CCDC192: variants seen among roughly 807,000 people sequenced by gnomAD.
CCDC192 encodes coiled-coil domain containing 192, also known as coiled-coil domain-containing protein 192.
chr5:127,756,754 C>A (rs1754623708), intron 3 of CCDC192, among the ~76,000 whole-genome samples: 1 of 152,220 alleles, frequency 6.6e-6, no homozygotes, highest in Non-Finnish European at 1.5e-5. Flanking sequence ...GGGCTGTTAT[C>A]AATTTTGTTT....
intron 6 of CCDC192, among the ~76,000 whole-genome samples, chr5:127,880,055 A>C (rs1229498076): frequency 1.3e-5 from 2 of 152,166 alleles, no homozygotes; most frequent in African/African-American, 4.8e-5. Context: ...CTAGAACTGG[A>C]AATACCATCC....
chr5:127,907,070 A>G (rs1173458906), intron 6 of CCDC192, among the ~76,000 whole-genome samples: 3 of 152,016 alleles, frequency 2.0e-5, no homozygotes, highest in Non-Finnish European at 4.4e-5. Flanking sequence ...CCATCCTAAC[A>G]GGTGTGAAGT....
chr5:127,828,372 T>G (rs1026278979), intron 5 of CCDC192, among the ~76,000 whole-genome samples: 22 of 152,224 alleles, frequency 1.4e-4, no homozygotes, highest in Admixed American at 7.2e-4. Flanking sequence ...CATCACACCT[T>G]TAGAGTCATC....
intron 5 of CCDC192, among the ~76,000 whole-genome samples, chr5:127,868,746 G>A (rs958471643): frequency 1.3e-5 from 2 of 151,928 alleles, no homozygotes; most frequent in African/African-American, 4.8e-5. Context: ...TTTGCTGGGC[G>A]TGGCGGTGGG....
intron 6 of CCDC192, among the ~76,000 whole-genome samples, chr5:127,916,461 T>C (rs1428373119): frequency 3.9e-5 from 6 of 152,242 alleles, no homozygotes; most frequent in African/African-American, 7.2e-5. Context: ...TCAATTTACT[T>C]TGCCCAGATC....
chr5:127,898,983 G>A (rs1752968924), intron 6 of CCDC192, among the ~76,000 whole-genome samples: 1 of 152,132 alleles, frequency 6.6e-6, no homozygotes, highest in Non-Finnish European at 1.5e-5. Flanking sequence ...CCAGGGCAGT[G>A]GTTACAGCGA....
chr5:127,896,445 T>C (rs1001143628), intron 6 of CCDC192, among the ~76,000 whole-genome samples: 3 of 151,998 alleles, frequency 2.0e-5, no homozygotes, highest in African/African-American at 7.2e-5. Flanking sequence ...TTTTTTTTTT[T>C]TTCTTGAGAC....
chr5:127,835,716 A>G (rs576366961), intron 5 of CCDC192, among the ~76,000 whole-genome samples: 3 of 152,284 alleles, frequency 2.0e-5, no homozygotes, highest in South Asian at 2.1e-4. Context: ...TGAAGTGAAG[A>G]GGGAAGAGTC....
intron 2 of CCDC192, among the ~76,000 whole-genome samples, chr5:127,742,782 A>G (rs1046364805): frequency 6.6e-6 from 1 of 152,220 alleles, no homozygotes; most frequent in Non-Finnish European, 1.5e-5. Flanking sequence ...TAATCTCAGA[A>G]TAAATGACAG....
chr5:127,788,308 T>C (rs1464382078), intron 3 of CCDC192, among the ~76,000 whole-genome samples: 1 of 152,152 alleles, frequency 6.6e-6, no homozygotes, highest in African/African-American at 2.4e-5. Context: ...ACAACATCTA[T>C]GTGACTATGT....
intron 6 of CCDC192, among the ~76,000 whole-genome samples, chr5:127,889,487 T>C (rs753869365): frequency 1.1e-4 from 17 of 151,758 alleles, no homozygotes; most frequent in Non-Finnish European, 2.2e-4. Flanking sequence ...CTGCAACCTC[T>C]GCCTGCCAGG....
At chr5:127,906,131 C>T (rs1182053673) in intron 6 of CCDC192, among the ~76,000 whole-genome samples, 1 of 152,180 alleles carries the variant, frequency 6.6e-6, no homozygotes, top group Non-Finnish European at 1.5e-5. Flanking sequence ...CCATCCACCT[C>T]CACAACTTTT....
rs1349772620 is a variant in CCDC192, at chr5:127,848,470, A to G, written c.412-27068A>G. On this transcript the variant is annotated intron_variant, in intron 5 of 6. Transcript: ENST00000514853. ...TAGCCTTCATATTTTCTTCCTGGAG[A>G]GCCTGGGTAACTTTCCTTATTGAAG... is the stretch of plus-strand genomic sequence containing the variant. Among the ~76,000 whole-genome samples, 3 of 152,026 alleles carry G rather than the reference A, an allele frequency of 2.0e-5. No individual in the cohort carries two copies. In the East Asian group the frequency reaches 5.8e-4, roughly 29 times the overall value.
intron 2 of CCDC192, among the ~76,000 whole-genome samples, chr5:127,737,342 A>C (rs931062209): frequency 1.3e-4 from 20 of 152,048 alleles, no homozygotes; most frequent in Non-Finnish European, 2.2e-4. Context: ...GGAGAGCTTT[A>C]CTTCCAAGTA....
chr5:127,918,870 T>C (rs989565672), intron 6 of CCDC192, among the ~76,000 whole-genome samples: 1 of 152,070 alleles, frequency 6.6e-6, no homozygotes, highest in Admixed American at 6.5e-5. Flanking sequence ...TGTGTATATA[T>C]GTATGTGTAC....
Position 127,919,915 on chromosome 5 carries a change from C to G in CCDC192, c.536-21267C>G, listed in dbSNP as rs116040399. Among the ~76,000 whole-genome samples, 686 of 152,270 alleles carry G rather than the reference C, an allele frequency of 4.5e-3. 6 individuals carry two copies. The highest frequency in any genetic ancestry group is 0.016 in the African/African-American group (667 of 41,554). ...ATGCCACTTTCAGGTAAGGCAAGACCAGGTAAAGGATTGCCCATTGGCTAG... is the reference window on the plus strand; with the variant it reads ...ATGCCACTTTCAGGTAAGGCAAGACGAGGTAAAGGATTGCCCATTGGCTAG... On this transcript the variant is annotated intron_variant, in intron 6 of 6. Transcript: ENST00000514853.
rs113759011 is a variant in CCDC192, at chr5:127,899,663, C to T, written c.535+24002C>T. Among the ~76,000 whole-genome samples, 763 of 152,180 alleles carry T rather than the reference C, an allele frequency of 5.0e-3. 9 individuals carry two copies. The highest frequency in any genetic ancestry group is 0.018 in the African/African-American group (744 of 41,514). ...GCAGTGAATCTGTTGATTCTAAGCTCGTTTGTGGGCTTGGGGAAGCCTCAT... is the reference window on the plus strand; with the variant it reads ...GCAGTGAATCTGTTGATTCTAAGCTTGTTTGTGGGCTTGGGGAAGCCTCAT... On this transcript the variant is annotated intron_variant, in intron 6 of 6. Coordinates refer to ENST00000514853, the MANE Select transcript of CCDC192 (RefSeq NM_001317938.2).
intron 6 of CCDC192, among the ~76,000 whole-genome samples, chr5:127,931,103 C>G (rs1754017760): frequency 6.6e-6 from 1 of 152,196 alleles, no homozygotes; most frequent in African/African-American, 2.4e-5. Context: ...TTCCTCCCTG[C>G]ATGGTGGTGG....
At chr5:127,931,437 T>C (rs140098213) in intron 6 of CCDC192, among the ~76,000 whole-genome samples, 31 of 152,306 alleles carry the variant, frequency 2.0e-4, no homozygotes, top group Middle Eastern at 6.8e-3. Context: ...TTCAATCAGC[T>C]AGTAACATTT....
Sources: gnomAD v4.1 joint callset for allele counts (sites outside exome capture counted in the v4.1 genomes callset) on GRCh38, gnomAD v4.1.1 for gene constraint, MANE v1.5 for transcripts, NCBI Gene and HGNC (gene_info 2026-07-23, HGNC 2026-07-21) for gene names.